WNT5B: variants seen among roughly 807,000 people sequenced by gnomAD.
WNT5B encodes Wnt family member 5B.
A neutral mutation model predicts 36.5 loss-of-function variants in WNT5B; 18 were observed. The ratio of observed to expected loss-of-function variants is 0.49; its 90% CI spans 0.34 to 0.73. The LOEUF is 0.73. WNT5B is among the 30% of genes least tolerant of loss of function. The pLI, the probability that WNT5B is intolerant of heterozygous loss-of-function variation, is 0.01. For synonymous variants in WNT5B, 213 were observed against 212.3 expected (o/e 1.00, Z -0.03); for missense variants, 424 against 508.4 (o/e 0.83, Z 1.60).
chr12:1,625,732 C>T (rs1034032681), upstream of WNT5B, among the ~76,000 whole-genome samples: 22 of 152,084 alleles, frequency 1.4e-4, no homozygotes, highest in African/African-American at 3.6e-4. Flanking sequence ...GGTGCAATCT[C>T]GGCTCACTGC....
In WNT5B at chr12:1,639,731, G is replaced by A. The variant is rs753708813; in HGVS notation, c.376G>A (p.Val126Ile). Residue 126 changes from valine (V) to isoleucine (I), a missense_variant, in exon 4 of 5, where the codon GTC (valine) becomes ATC (isoleucine). Val to Ile is a conservative substitution (Grantham distance 29). Coordinates refer to ENST00000397196, the MANE Select transcript of WNT5B (RefSeq NM_032642.3). The part of the protein sequence containing the change: ...FTHAVSAAGV[V>I]NAISRACREG... ...CCACGCGGTGAGCGCCGCGGGCGTG[G>A]TCAACGCCATCAGCCGGGCCTGCCG... The A allele has an allele frequency of 1.3e-6, 2 of 1,598,940 alleles. No homozygotes were observed. Among genetic ancestry groups the A allele is most frequent in the Admixed American group, 1.7e-5 (1 of 57,960 alleles).
Position 1,632,799 on chromosome 12 carries a change from G to A in WNT5B, c.222G>A (p.Glu74=), listed in dbSNP as rs764979690. ...LYQEHMAYIG[E]GAKTGIKECQ... is the part of the protein sequence containing the mutation. The stretch of plus-strand genomic sequence containing the variant: ...AGGAGCACATGGCCTACATAGGGGA[G>A]GGAGCCAAGACTGGCATCAAGGAAT... The change falls in exon 3 of 5, where the codon GAG becomes GAA. Residue 74 remains glutamate (E), a synonymous_variant. Transcript: ENST00000397196. The surrounding 1 kb of genome is among the most constrained non-coding windows in gnomAD (Gnocchi z 5.8). The A allele has an allele frequency of 1.8e-5, 29 of 1,614,052 alleles. No homozygotes were observed. The highest frequency in any genetic ancestry group is 1.2e-5 in the Non-Finnish European group (14 of 1,180,034).
chr12:1,638,182 C>T (rs1035481651), intron 3 of WNT5B, among the ~76,000 whole-genome samples: 4 of 152,032 alleles, frequency 2.6e-5, no homozygotes, highest in Admixed American at 6.5e-5. Context: ...TGAGGCGGAG[C>T]TTGCGGTGAG....
chr12:1,637,026 A>G (rs1426013847), intron 3 of WNT5B, among the ~76,000 whole-genome samples: 1 of 151,698 alleles, frequency 6.6e-6, no homozygotes, highest in East Asian at 1.9e-4. Flanking sequence ...TTCTTTTTTA[A>G]TGTTTTTGTA....
At position 1,646,599 on chromosome 12, in the gene WNT5B, G is replaced by C. The variant is rs1178992007; in HGVS notation, c.*347G>C. ...AGATGATCTTGTCTGGAAGTCTAGA[G>C]TCTTTGTTGGTTAGAGGACTGCCTG... On this transcript the variant is annotated 3_prime_UTR_variant, in exon 5 of 5. Transcript: ENST00000397196. 6.2e-6 allele frequency: 1 copy of C among 161,066 alleles called. No individual in the cohort carries two copies. Among genetic ancestry groups the C allele is most frequent in the East Asian group, 1.8e-4 (1 of 5,526 alleles). The allele number at this position is 161,066 out of a possible 1,614,324, so 10.0% of individuals were successfully genotyped here. A position where few individuals can be genotyped will look rare whatever the true frequency, so the allele number is the denominator to read the frequency against.
chr12:1,632,875 G>C lies in WNT5B; in HGVS notation c.298G>C (p.Ala100Pro), dbSNP rs144259665. The change falls in exon 3 of 5, where the codon GCA becomes CCA. Residue 100 changes from alanine (A) to proline (P), a missense_variant. Ala to Pro is a conservative substitution (Grantham distance 27). Coordinates refer to ENST00000397196, the MANE Select transcript of WNT5B (RefSeq NM_032642.3). The surrounding 1 kb of genome is among the most constrained non-coding windows in gnomAD (Gnocchi z 5.8). ...GTGGAATTGCAGCACAGCGGACAAC[G>C]CATCTGTCTTTGGGAGAGTCATGCA... ...RRWNCSTADN[A>P]SVFGRVMQIG... The C allele has an allele frequency of 1.5e-5, 24 of 1,613,706 alleles. No individual in the cohort carries two copies. Among genetic ancestry groups the C allele is most frequent in the Non-Finnish European group, 2.0e-5 (24 of 1,179,676 alleles).
upstream of WNT5B, among the ~76,000 whole-genome samples, chr12:1,628,940 C>T (rs1050465717): frequency 5.9e-5 from 9 of 151,664 alleles, no homozygotes; most frequent in East Asian, 1.9e-4. Flanking sequence ...TGTGTGCACG[C>T]GCGCGTGCAT....
Position 1,620,495 on chromosome 12 carries a change from G to T in WNT5B, c.-58+3352G>T, listed in dbSNP as rs140988349. ...GTCCATTCTATTGTTGATGGATATT[G>T]TTGCTTCTGGTCTGAGGCTATCAAG... On this transcript the variant is annotated intron_variant, in intron 1 of 4. Coordinates refer to the WNT5B transcript ENST00000310594. 5.2e-3 allele frequency among the ~76,000 whole-genome samples: 788 copies of T among 151,208 alleles called. 4 individuals carry two copies. Among genetic ancestry groups the T allele is most frequent in the African/African-American group, 0.018 (743 of 41,304 alleles).
intron 3 of WNT5B, among the ~76,000 whole-genome samples, chr12:1,638,997 TC>T (rs1289303456): frequency 6.6e-6 from 1 of 152,162 alleles, no homozygotes; most frequent in Non-Finnish European, 1.5e-5. Flanking sequence ...CTCATTCTGT[TC>T]GACTCCCATG....
In WNT5B at chr12:1,644,485, C is replaced by T. The variant is rs2094581631; in HGVS notation, c.622-1309C>T. 6.6e-6 allele frequency among the ~76,000 whole-genome samples: 1 copy of T among 152,180 alleles called. No homozygotes were observed. On this transcript the variant is annotated intron_variant, in intron 4 of 4. Coordinates refer to ENST00000397196, the MANE Select transcript of WNT5B (RefSeq NM_032642.3). This position sits in a 1 kb window ranked among gnomAD's most constrained non-coding sequence, Gnocchi z 5.1. ...CCGTACCAGAAAAAACTCAGGAAGA[C>T]TTTTGCCAACAGTCATATGCACTGA...
rs1021272812 is a variant in WNT5B at position 1,632,572 on chromosome 12, A to G, written c.81-86A>G. 2.7e-6 allele frequency: 4 copies of G among 1,506,124 alleles called. No homozygotes were observed. Among genetic ancestry groups the G allele is most frequent in the Non-Finnish European group, 2.7e-6 (3 of 1,121,392 alleles). 93.3% of individuals were successfully genotyped at this position (1,506,124 alleles called of 1,614,324 possible). On this transcript the variant is annotated intron_variant, in intron 2 of 4. Transcript: ENST00000397196. The surrounding 1 kb of genome is among the most constrained non-coding windows in gnomAD (Gnocchi z 5.8). Reference sequence around the variant, plus strand: ...TTGTACACAGGGACGCATTCAATAAATGTGTTGAATGAATGACTTAATGCT... The same window carrying G: ...TTGTACACAGGGACGCATTCAATAAGTGTGTTGAATGAATGACTTAATGCT...
At position 1,632,623 on chromosome 12, in the gene WNT5B, G is replaced by A. The variant is rs2094552972; in HGVS notation, c.81-35G>A. On this transcript the variant is annotated intron_variant, in intron 2 of 4. Coordinates refer to ENST00000397196, the MANE Select transcript of WNT5B (RefSeq NM_032642.3). The surrounding 1 kb of genome is among the most constrained non-coding windows in gnomAD (Gnocchi z 5.8). ...GCACACAGGCGTATGCTCACTCCTG[G>A]GCCTTTTTTTCCCCTTTCTGGATTG... 5.7e-6 allele frequency: 9 copies of A among 1,578,322 alleles called. No homozygotes were observed. Among genetic ancestry groups the A allele is most frequent in the Non-Finnish European group, 6.9e-6 (8 of 1,155,544 alleles).
intron 1 of WNT5B, among the ~76,000 whole-genome samples, chr12:1,621,360 C>T (rs982909210): frequency 4.6e-5 from 7 of 152,006 alleles, no homozygotes; most frequent in Non-Finnish European, 1.0e-4. Context: ...CTATATTTGG[C>T]TCTCTAGGAA....
intron 4 of WNT5B, 53 bp from the exon 5 acceptor site, chr12:1,645,741 G>C: frequency 6.6e-7 from 1 of 1,522,352 alleles, no homozygotes; most frequent in Non-Finnish European, 8.8e-7. Flanking sequence ...GCCACCCTCT[G>C]GGCCTCTTCC....
upstream of WNT5B, among the ~76,000 whole-genome samples, chr12:1,627,676 G>C (rs2085283824): frequency 6.6e-6 from 1 of 152,154 alleles, no homozygotes; most frequent in Admixed American, 6.5e-5. This position sits in a 1 kb window ranked among gnomAD's most constrained non-coding sequence, Gnocchi z 5.0. Flanking sequence ...GGTGAAGTGG[G>C]ACAGTGCCAT....
At chr12:1,622,256 G>A (rs753502589) in intron 1 of WNT5B, among the ~76,000 whole-genome samples, 2 of 151,912 alleles carry the variant, frequency 1.3e-5, no homozygotes, top group African/African-American at 2.4e-5. Flanking sequence ...GACTACAGGC[G>A]CCCGCCACCA....
chr12:1,628,302 T>G (rs1565605149), upstream of WNT5B, among the ~76,000 whole-genome samples: 1 of 152,142 alleles, frequency 6.6e-6, no homozygotes, highest in Non-Finnish European at 1.5e-5. Context: ...ACTGCAGGCA[T>G]GTGCCACCAC....
chr12:1,625,888 C>G (rs2094540184), upstream of WNT5B, among the ~76,000 whole-genome samples: 1 of 152,030 alleles, frequency 6.6e-6, no homozygotes, highest in Admixed American at 6.6e-5. Context: ...GTCTCAAACT[C>G]CTGACCTCAA....
chr12:1,622,513 A>G (rs1236207843), intron 1 of WNT5B, among the ~76,000 whole-genome samples: 1 of 152,198 alleles, frequency 6.6e-6, no homozygotes, highest in Non-Finnish European at 1.5e-5. Context: ...CTCAATTAGC[A>G]GTGGATTCTC....
Sources: gnomAD v4.1 joint callset for allele counts (sites outside exome capture counted in the v4.1 genomes callset) on GRCh38, gnomAD v4.1.1 for gene constraint, Gnocchi (gnomAD v3.1) non-coding constraint, MANE v1.5 for transcripts, NCBI Gene and HGNC (gene_info 2026-07-23, HGNC 2026-07-21) for gene names.